The following AFG2A variants were observed in gnomAD, a reference collection of about 807,000 sequenced individuals.
AFG2A encodes the protein AAA ATPase AFG2A, also known as ATPase family gene 2 protein homolog A.
At chr4:123,064,932 T>C in the AFG2A span, among the ~76,000 whole-genome samples, 46 of 152,320 alleles carry the variant, frequency 3.0e-4, no homozygotes, top group African/African-American at 1.0e-3. Context: ...TCGTTGTGTT[T>C]AGGTGCTATT....
the AFG2A span, among the ~76,000 whole-genome samples, chr4:123,234,557 G>A: frequency 1.2e-4 from 19 of 152,076 alleles, no homozygotes; most frequent in African/African-American, 4.6e-4. Context: ...ATGGGCCTCA[G>A]TCTTCTCAGT....
At chr4:122,932,055 T>C in the AFG2A span, among the ~76,000 whole-genome samples, 3 of 151,494 alleles carry the variant, frequency 2.0e-5, no homozygotes, top group African/African-American at 4.9e-5. Context: ...TCGCCTGAAC[T>C]TAGGAGTTCG....
the AFG2A span, among the ~76,000 whole-genome samples, chr4:123,126,809 A>G: frequency 6.6e-6 from 1 of 152,204 alleles, no homozygotes; most frequent in Non-Finnish European, 1.5e-5. Flanking sequence ...TAAACTACCC[A>G]GTAGCCTTGG....
the AFG2A span, among the ~76,000 whole-genome samples, chr4:123,108,194 A>T: frequency 0.1 from 15,957 of 152,268 alleles, 939 homozygotes; most frequent in Middle Eastern, 0.2. Context: ...GTTTCGGGTC[A>T]GAAATAAGTA....
At chr4:122,960,004 A>G in the AFG2A span, among the ~76,000 whole-genome samples, 1 of 152,150 alleles carries the variant, frequency 6.6e-6, no homozygotes, top group Non-Finnish European at 1.5e-5. Context: ...TTCAAAAGTT[A>G]TATTTTCTTT....
chr4:123,154,149 A>C, the AFG2A span, among the ~76,000 whole-genome samples: 6 of 152,178 alleles, frequency 3.9e-5, no homozygotes, highest in Non-Finnish European at 8.8e-5. Flanking sequence ...ACCTGAATCC[A>C]TTCACTAGAT....
the AFG2A span, among the ~76,000 whole-genome samples, chr4:123,223,946 A>G: frequency 6.6e-6 from 1 of 151,966 alleles, no homozygotes; most frequent in African/African-American, 2.4e-5. Flanking sequence ...GTTTATTTCT[A>G]TTTTTGCATT....
chr4:123,319,222 A>G, the AFG2A span: 1 of 152,212 alleles, frequency 6.6e-6, no homozygotes, highest in Non-Finnish European at 1.5e-5. Context: ...CATATGTTTA[A>G]TTTAGCCTAA....
At chr4:123,119,044 TC>T in the AFG2A span, among the ~76,000 whole-genome samples, 2 of 152,094 alleles carry the variant, frequency 1.3e-5, no homozygotes, top group Non-Finnish European at 2.9e-5. Flanking sequence ...ACCTTGAGTA[TC>T]CCCATTCATC....
At chr4:123,249,240 A>G in the AFG2A span, among the ~76,000 whole-genome samples, 1 of 152,208 alleles carries the variant, frequency 6.6e-6, no homozygotes, top group African/African-American at 2.4e-5. Context: ...ATAAAATGTC[A>G]TTCTGAGCAG....
the AFG2A span, among the ~76,000 whole-genome samples, chr4:123,182,991 G>T: frequency 6.6e-6 from 1 of 152,148 alleles, no homozygotes; most frequent in Admixed American, 6.5e-5. Flanking sequence ...TCCAAATCTA[G>T]CTGTACATCA....
the AFG2A span, among the ~76,000 whole-genome samples, chr4:123,301,086 C>T: frequency 6.6e-6 from 1 of 152,040 alleles, no homozygotes; most frequent in African/African-American, 2.4e-5. Flanking sequence ...ATTCCTAACC[C>T]CTTTTTGGTT....
chr4:123,265,071 A>G, the AFG2A span, among the ~76,000 whole-genome samples: 4 of 152,134 alleles, frequency 2.6e-5, no homozygotes, highest in South Asian at 8.3e-4. Flanking sequence ...TGACTCTGAC[A>G]GTGCACAGAA....
chr4:123,226,732 G>A, the AFG2A span, among the ~76,000 whole-genome samples: 1 of 152,190 alleles, frequency 6.6e-6, no homozygotes, highest in Admixed American at 6.5e-5. Flanking sequence ...CATAAAATGA[G>A]TTAGGAAGGA....
At chr4:122,927,747 G>A in the AFG2A span, 259 of 1,612,240 alleles carry the variant, frequency 1.6e-4, no homozygotes, top group Non-Finnish European at 2.2e-4. Context: ...TAGTTTGAAC[G>A]GAAAGCAAGA....
the AFG2A span, among the ~76,000 whole-genome samples, chr4:123,013,571 A>G: frequency 6.6e-6 from 1 of 152,152 alleles, no homozygotes; most frequent in Non-Finnish European, 1.5e-5. Flanking sequence ...ACAGGGAGGG[A>G]AACATCACAC....
At chr4:122,986,023 T>G in the AFG2A span, among the ~76,000 whole-genome samples, 1 of 151,994 alleles carries the variant, frequency 6.6e-6, no homozygotes, top group Non-Finnish European at 1.5e-5. Flanking sequence ...CTTGATTTTG[T>G]TTTTGACCCA....
At chr4:123,014,038 T>A in the AFG2A span, among the ~76,000 whole-genome samples, 1 of 152,230 alleles carries the variant, frequency 6.6e-6, no homozygotes, top group Non-Finnish European at 1.5e-5. Flanking sequence ...GACTTAAAAT[T>A]CACTTAAGAA....
chr4:122,934,071 T>G, the AFG2A span: 1 of 1,537,278 alleles, frequency 6.5e-7, no homozygotes. Context: ...TATGCTAACA[T>G]GTATATTTAA....
Sources: allele counts gnomAD v4.1 joint callset (sites outside exome capture counted in the v4.1 genomes callset), GRCh38; gene constraint gnomAD v4.1.1; transcripts MANE v1.5; gene names NCBI Gene and HGNC (gene_info 2026-07-23, HGNC 2026-07-21).